Variants in NENF observed in about 807,000 individuals in gnomAD.
NENF encodes the protein neudesin.
NENF carries 6 observed loss-of-function variants against 14.8 expected under a neutral mutation model. The observed-to-expected ratio is 0.40, with a 90% CI of 0.22 to 0.80. NENF has a LOEUF of 0.80. Among genes scored for constraint, NENF ranks in the 30% least tolerant of loss-of-function variants. The pLI, the probability that NENF is intolerant of heterozygous loss-of-function variation, is 0.34. For synonymous variants in NENF, 76 were observed against 95.1 expected (o/e 0.80, Z 1.17); for missense variants, 184 against 212.7 (o/e 0.87, Z 0.84).
chr1:212,446,097 T>A lies in NENF; in HGVS notation c.*91T>A. On this transcript the variant is annotated 3_prime_UTR_variant, in exon 4 of 4. Transcript: ENST00000366988. ...TGCAAAACTGGCTGCCTGGAGGCCC[T>A]GAGCCACCCAGATCTGAATAAAACA... 7.8e-7 allele frequency: 1 copy of A among 1,277,296 alleles called. No individual in the cohort carries two copies. The highest frequency in any genetic ancestry group is 1.1e-6 in the Non-Finnish European group (1 of 890,486). The allele number at this position is 1,277,296 out of a possible 1,614,324, so 79.1% of individuals were successfully genotyped here.
intron 2 of NENF, 113 bp downstream of exon 2, chr1:212,442,738 C>CATTTT (rs71573840): frequency 0.2 from 139,171 of 700,314 alleles, 17,773 homozygotes; most frequent in African/African-American, 0.23. Flanking sequence ...CTTTTCATTC[C>CATTTT]ATTTTATTTT....
At position 212,436,307 on chromosome 1, in the gene NENF, CTT is replaced by C. The variant is rs71573839; in HGVS notation, c.177+3207_177+3208del. Among the ~76,000 whole-genome samples, 121 of 112,628 alleles carry C rather than the reference CTT, an allele frequency of 1.1e-3. 1 individual carries two copies. Among genetic ancestry groups the C allele is most frequent in the African/African-American group, 2.6e-3 (76 of 29,252 alleles). 73.9% of individuals were successfully genotyped at this position (112,628 alleles called of 152,430 possible). ...GGAGCAGATGCTGTAGCCCATGGGT[CTT>C]TTTTTTTTTTTTTTTTTTTGAGACG... On this transcript the variant is annotated intron_variant, in intron 1 of 3. Transcript: ENST00000366988.
At position 212,433,322 on chromosome 1, in the gene NENF, G is replaced by C. The variant is rs924050455; in HGVS notation, c.177+202G>C. Among the ~76,000 whole-genome samples, 1 of 152,044 alleles carries C rather than the reference G, an allele frequency of 6.6e-6. No individual in the cohort carries two copies. The highest frequency in any genetic ancestry group is 1.5e-5 in the Non-Finnish European group (1 of 67,960). Reference sequence around the variant, plus strand: ...GGTGAGGACGAGTCCTCAACAGTCGGAGCGCTCCGCTTTGCCCGCACACCC... The same window carrying C: ...GGTGAGGACGAGTCCTCAACAGTCGCAGCGCTCCGCTTTGCCCGCACACCC... On this transcript the variant is annotated intron_variant, in intron 1 of 3. Coordinates refer to ENST00000366988, the MANE Select transcript of NENF (RefSeq NM_013349.5). This position sits in a 1 kb window ranked among gnomAD's most constrained non-coding sequence, Gnocchi z 5.5.
chr1:212,439,647 C>T (rs555218565), intron 1 of NENF, among the ~76,000 whole-genome samples: 20 of 144,900 alleles, frequency 1.4e-4, no homozygotes, highest in African/African-American at 5.2e-4. Context: ...AGTTCTAGAC[C>T]AGCCTGGCCA....
At chr1:212,438,705 C>T (rs911625320) in intron 1 of NENF, among the ~76,000 whole-genome samples, 12 of 151,256 alleles carry the variant, frequency 7.9e-5, no homozygotes, top group African/African-American at 1.9e-4. Flanking sequence ...CTGCAACCTC[C>T]GCCTCCCGGG....
intron 1 of NENF, among the ~76,000 whole-genome samples, chr1:212,436,563 C>T (rs549002860): frequency 2.6e-5 from 4 of 152,278 alleles, no homozygotes; most frequent in Non-Finnish European, 5.9e-5. Context: ...CCGTCTCAGC[C>T]TTCCAAAGTA....
At position 212,439,378 on chromosome 1, in the gene NENF, C is replaced by CAA. The variant is rs34201751; in HGVS notation, c.178-3174_178-3173dup. Among the ~76,000 whole-genome samples, 523 of 136,004 alleles carry CAA rather than the reference C, an allele frequency of 3.8e-3. 4 individuals carry two copies. The highest frequency in any genetic ancestry group is 0.011 in the Middle Eastern group (3 of 268). The allele number at this position is 136,004 out of a possible 152,430, so 89.2% of individuals were successfully genotyped here. A position where few individuals can be genotyped will look rare whatever the true frequency, so the allele number is the denominator to read the frequency against. On this transcript the variant is annotated intron_variant, in intron 1 of 3. Transcript: ENST00000366988. ...AGAAACCCCATCTCTACTAAAAATA[C>CAA]AAAAAAAAAAAAAATTAGCCAAGCA...
intron 1 of NENF, among the ~76,000 whole-genome samples, chr1:212,436,924 CAAAAAAAAAA>C (rs35648109): frequency 2.4e-5 from 2 of 81,864 alleles, no homozygotes; most frequent in Non-Finnish European, 5.3e-5. Flanking sequence ...TCACCTCTAC[CAAAAAAAAAA>C]AAAAAAAAAG....
At chr1:212,437,903 C>T (rs886593779) in intron 1 of NENF, among the ~76,000 whole-genome samples, 9 of 152,136 alleles carry the variant, frequency 5.9e-5, no homozygotes, top group Non-Finnish European at 1.3e-4. Context: ...CCTGTAGTCC[C>T]AGCAGTTTGG....
intron 2 of NENF, among the ~76,000 whole-genome samples, chr1:212,443,886 A>C (rs995996024): frequency 6.6e-6 from 1 of 151,674 alleles, no homozygotes; most frequent in African/African-American, 2.4e-5. Flanking sequence ...TCTTCAAAAA[A>C]AAAAATACAA....
chr1:212,446,324 G>C lies in NENF; in HGVS notation c.*318G>C. On this transcript the variant is annotated 3_prime_UTR_variant, in exon 4 of 4. Transcript: ENST00000366988. ...CTGTGCTTGACAGATTTTCAGCCAT[G>C]ACCATGTTCACTTTATAATCAAAAC... The C allele has an allele frequency of 3.8e-6, 1 of 264,872 alleles. No individual in the cohort carries two copies. Among genetic ancestry groups the C allele is most frequent in the Non-Finnish European group, 7.1e-6 (1 of 140,664 alleles). The allele number at this position is 264,872 out of a possible 1,614,324, so 16.4% of individuals were successfully genotyped here.
Position 212,438,617 on chromosome 1 carries a change from ATTTTTTTTTT to A in NENF, c.178-3938_178-3929del, listed in dbSNP as rs757959823. ...TTTTGTTTTGCGTGTGTGTGTCTGT[ATTTTTTTTTT>A]TTTTTTTTTGGAGACAGAGTCTTGC... On this transcript the variant is annotated intron_variant, in intron 1 of 3. Transcript: ENST00000366988. 6.8e-4 allele frequency among the ~76,000 whole-genome samples: 85 copies of A among 124,890 alleles called. 2 individuals carry two copies. In the South Asian group the frequency reaches 0.021, roughly 31 times the overall value. The allele number at this position is 124,890 out of a possible 152,430, so 81.9% of individuals were successfully genotyped here.
chr1:212,436,592 G>A (rs1054631933), intron 1 of NENF, among the ~76,000 whole-genome samples: 3 of 152,170 alleles, frequency 2.0e-5, no homozygotes, highest in Non-Finnish European at 1.5e-5. Context: ...ACAGGCGTAA[G>A]CCACTGTACC....
At chr1:212,441,491 GA>G (rs1441103502) in intron 1 of NENF, among the ~76,000 whole-genome samples, 2 of 151,922 alleles carry the variant, frequency 1.3e-5, no homozygotes, top group Non-Finnish European at 1.5e-5. Context: ...ACTAATATAA[GA>G]TGGGGCCCTA....
chr1:212,444,518 CGTGTGTGT>C (rs57220444), intron 3 of NENF, 76 bp downstream of exon 3: 16,030 of 496,162 alleles, frequency 0.032, 363 homozygotes, highest in African/African-American at 0.11. Context: ...TTTTTCTTTT[CGTGTGTGT>C]GTGTGTGTGT....
At chr1:212,445,343 T>G (rs1662762646) in intron 3 of NENF, among the ~76,000 whole-genome samples, 1 of 152,078 alleles carries the variant, frequency 6.6e-6, no homozygotes, top group Admixed American at 6.6e-5. Flanking sequence ...GTGCTCAACA[T>G]CAAACTGACA....
intron 1 of NENF, chr1:212,434,913 T>C (rs1026999816): frequency 1.3e-5 from 2 of 152,114 alleles, no homozygotes; most frequent in African/African-American, 4.8e-5. Flanking sequence ...TAGGAAACAA[T>C]TGTTTTGGGA....
chr1:212,437,835 A>G (rs979501347), intron 1 of NENF, among the ~76,000 whole-genome samples: 6 of 152,160 alleles, frequency 3.9e-5, no homozygotes, highest in Non-Finnish European at 7.4e-5. Flanking sequence ...AATCTTTGGT[A>G]TACATTAGTC....
In NENF at chr1:212,433,039, G is replaced by T. The variant is rs1181717148; in HGVS notation, c.96G>T (p.Gly32=). 5.1e-6 allele frequency: 6 copies of T among 1,185,640 alleles called. No individual in the cohort carries two copies. In the South Asian group the frequency reaches 2.1e-4, roughly 41 times the overall value. The allele number at this position is 1,185,640 out of a possible 1,614,324, so 73.4% of individuals were successfully genotyped here. The stretch of plus-strand genomic sequence containing the variant: ...CGGGGCTGCCCACAGCCCGGGCCGG[G>T]CAGACACCGCGCCCTGCCGAGCGGG... ...LAPGLPTARA[G]QTPRPAERGP... The change falls in exon 1 of 4, where the codon GGG becomes GGT. Residue 32 remains glycine, a synonymous_variant. Coordinates refer to ENST00000366988, the MANE Select transcript of NENF (RefSeq NM_013349.5). This position sits in a 1 kb window ranked among gnomAD's most constrained non-coding sequence, Gnocchi z 5.5.
Sources: allele counts gnomAD v4.1 joint callset (sites outside exome capture counted in the v4.1 genomes callset), GRCh38; gene constraint gnomAD v4.1.1; non-coding constraint Gnocchi (gnomAD v3.1); transcripts MANE v1.5; gene names NCBI Gene and HGNC (gene_info 2026-07-23, HGNC 2026-07-21).